EXOC4: variants seen among roughly 807,000 people sequenced by gnomAD.
EXOC4 encodes the protein exocyst complex component 4, also known as SEC8-like 1.
EXOC4 carries 71 observed loss-of-function variants against 107.2 expected under a neutral mutation model. That is an observed-to-expected ratio of 0.66 (90% CI 0.55 to 0.81). The LOEUF (loss-of-function observed/expected upper bound fraction) is 0.81. EXOC4 is among the 30% of genes least tolerant of loss of function. The probability of loss-of-function intolerance (pLI) is 0.00; values close to 1 mark genes in which losing one functional copy is unlikely to be tolerated. For missense variants in EXOC4, 1,108 were observed against 1,189.6 expected, an observed-to-expected ratio of 0.93 and a Z score of 1.01; for synonymous variants, 456 against 441.2, an observed-to-expected ratio of 1.03 and a Z score of -0.42.
At chr7:133,968,591 A>G (rs1801126916) in intron 14 of EXOC4, among the ~76,000 whole-genome samples, 1 of 151,990 alleles carries the variant, frequency 6.6e-6, no homozygotes, top group South Asian at 2.1e-4. Context: ...TTTCTCCTTC[A>G]CTTATGAAGC....
chr7:133,896,846 G>GTTTTTTTTTTTTTTTTTTTT (rs1585231519), intron 12 of EXOC4, among the ~76,000 whole-genome samples: 1 of 43,224 alleles, frequency 2.3e-5, no homozygotes, highest in African/African-American at 3.4e-4. Context: ...TGTATTTTTA[G>GTTTTTTTTTTTTTTTTTTTT]TAGAGATGGG....
chr7:133,921,517 C>A (rs776345109), intron 13 of EXOC4, among the ~76,000 whole-genome samples: 4 of 152,174 alleles, frequency 2.6e-5, no homozygotes, highest in Non-Finnish European at 5.9e-5. Flanking sequence ...ACTCCACTCT[C>A]TTCTTGTCTG....
chr7:133,805,890 A>G (rs1797064535), intron 10 of EXOC4, among the ~76,000 whole-genome samples: 1 of 152,234 alleles, frequency 6.6e-6, no homozygotes, highest in Admixed American at 6.5e-5. Flanking sequence ...GGCCTGGGAA[A>G]AAGTTTTGCC....
intron 9 of EXOC4, among the ~76,000 whole-genome samples, chr7:133,498,093 A>C (rs947700754): frequency 4.6e-5 from 7 of 152,100 alleles, no homozygotes; most frequent in African/African-American, 1.7e-4. Context: ...AACATGCCCA[A>C]ATCAGACTCA....
intron 10 of EXOC4, among the ~76,000 whole-genome samples, chr7:133,767,056 C>T (rs928751062): frequency 6.6e-6 from 1 of 151,878 alleles, no homozygotes; most frequent in African/African-American, 2.4e-5. Context: ...CATAGCTGCT[C>T]CTTCTTTTTG....
intron 1 of EXOC4, among the ~76,000 whole-genome samples, chr7:133,258,857 T>TAA (rs1339799443): frequency 1.3e-5 from 2 of 152,244 alleles, no homozygotes; most frequent in African/African-American, 4.8e-5. Context: ...TGTATGGTTA[T>TAA]GTGTGTATGT....
At chr7:133,550,043 A>T (rs1278232115) in intron 9 of EXOC4, among the ~76,000 whole-genome samples, 2 of 152,184 alleles carry the variant, frequency 1.3e-5, no homozygotes, top group African/African-American at 2.4e-5. Flanking sequence ...CTTATGAATG[A>T]AATCTTCTCT....
rs770220588 is a variant in EXOC4 at position 133,475,369 on chromosome 7, G to A, written c.1224G>A (p.Thr408=). The change falls in exon 8 of 18, where the codon ACG becomes ACA. Residue 408 remains threonine, a synonymous_variant. Coordinates refer to ENST00000253861, the MANE Select transcript of EXOC4 (RefSeq NM_021807.4). ...ACTTGGATATGAAAAATACTCGTAC[G>A]GCCTCTGAACCATCAGCTCAACTAA... The part of the protein sequence containing the change: ...TEYLDMKNTR[T]ASEPSAQLSY... The A allele has an allele frequency of 5.6e-6, 9 of 1,613,684 alleles. No homozygotes were observed. In the South Asian group the frequency reaches 6.6e-5, roughly 12 times the overall value.
intron 9 of EXOC4, among the ~76,000 whole-genome samples, chr7:133,495,381 T>G (rs1196727568): frequency 6.6e-6 from 1 of 152,174 alleles, no homozygotes; most frequent in African/African-American, 2.4e-5. Flanking sequence ...TAATTAGATT[T>G]CACTTATTAT....
At chr7:133,496,054 C>T (rs1799471082) in intron 9 of EXOC4, among the ~76,000 whole-genome samples, 1 of 152,094 alleles carries the variant, frequency 6.6e-6, no homozygotes, top group African/African-American at 2.4e-5. Flanking sequence ...TGCTACTCTT[C>T]CCCTGCCCCC....
intron 6 of EXOC4, among the ~76,000 whole-genome samples, chr7:133,373,743 T>C (rs1026909430): frequency 6.6e-6 from 1 of 152,220 alleles, no homozygotes; most frequent in Non-Finnish European, 1.5e-5. Flanking sequence ...AAAGCTCACA[T>C]TGCAAGATTT....
At chr7:133,798,325 T>G (rs982309900) in intron 10 of EXOC4, among the ~76,000 whole-genome samples, 14 of 152,232 alleles carry the variant, frequency 9.2e-5, no homozygotes, top group African/African-American at 3.1e-4. Context: ...CATTATAATC[T>G]GAGTCATTTA....
rs35334259 is a variant in EXOC4 at position 133,412,278 on chromosome 7, G to GTTTTTTTTTTTTTT, written c.1182+37286_1182+37299dup. ...ATCTGGTCAATACTGTCAGAATTCA[G>GTTTTTTTTTTTTTT]TTTTTTTTTTTTTTTTTTTTTTTGC... On this transcript the variant is annotated intron_variant, in intron 7 of 17. Coordinates refer to ENST00000253861, the MANE Select transcript of EXOC4 (RefSeq NM_021807.4). 3.5e-4 allele frequency among the ~76,000 whole-genome samples: 25 copies of GTTTTTTTTTTTTTT among 71,478 alleles called. 2 individuals carry two copies. Among genetic ancestry groups the GTTTTTTTTTTTTTT allele is most frequent in the Admixed American group, 4.9e-4 (2 of 4,110 alleles). 46.9% of individuals were successfully genotyped at this position (71,478 alleles called of 152,430 possible). A position where few individuals can be genotyped will look rare whatever the true frequency, so the allele number is the denominator to read the frequency against.
intron 9 of EXOC4, among the ~76,000 whole-genome samples, chr7:133,541,180 TCAAA>T (rs1050561571): frequency 9.2e-5 from 14 of 152,218 alleles, no homozygotes; most frequent in African/African-American, 3.1e-4. Context: ...CCATATTTTT[TCAAA>T]CAATTTGAGA....
intron 11 of EXOC4, among the ~76,000 whole-genome samples, chr7:133,869,685 C>T (rs879488175): frequency 1.3e-5 from 2 of 151,974 alleles, no homozygotes; most frequent in Non-Finnish European, 2.9e-5. Flanking sequence ...AAGTAGAATC[C>T]CTTCTCTAAA....
At chr7:133,675,803 A>T (rs866688357) in intron 10 of EXOC4, among the ~76,000 whole-genome samples, 3 of 152,148 alleles carry the variant, frequency 2.0e-5, no homozygotes, top group African/African-American at 7.2e-5. Flanking sequence ...GGTGGTTGGG[A>T]ATTGTTCCTT....
At chr7:133,584,060 T>C (rs1238385813) in intron 9 of EXOC4, among the ~76,000 whole-genome samples, 1 of 152,106 alleles carries the variant, frequency 6.6e-6, no homozygotes, top group Non-Finnish European at 1.5e-5. Context: ...GCTGGAGGTT[T>C]AACTTTGGTG....
intron 10 of EXOC4, among the ~76,000 whole-genome samples, chr7:133,664,983 C>T (rs1293836618): frequency 6.6e-6 from 1 of 152,140 alleles, no homozygotes; most frequent in Non-Finnish European, 1.5e-5. Context: ...GATACAGGCA[C>T]CATTTTACAG....
At chr7:133,474,375 G>T (rs1157231863) in intron 7 of EXOC4, among the ~76,000 whole-genome samples, 2 of 152,130 alleles carry the variant, frequency 1.3e-5, no homozygotes, top group South Asian at 4.2e-4. Flanking sequence ...GAGTGCAGTG[G>T]CATGATCTCG....
Sources: gnomAD v4.1 joint callset for allele counts (sites outside exome capture counted in the v4.1 genomes callset) on GRCh38, gnomAD v4.1.1 for gene constraint, MANE v1.5 for transcripts, NCBI Gene and HGNC (gene_info 2026-07-23, HGNC 2026-07-21) for gene names.